AGAP1: variants seen among roughly 807,000 people sequenced by gnomAD.
AGAP1 encodes ArfGAP with GTPase domain, ankyrin repeat and PH domain 1, also known as arf-GAP with GTPase, ANK repeat and PH domain-containing protein 1.
Under a neutral mutation model 105.3 loss-of-function variants are expected in AGAP1, and 29 were observed. The ratio of observed to expected loss-of-function variants is 0.28; its 90% confidence interval spans 0.21 to 0.38. The LOEUF (loss-of-function observed/expected upper bound fraction) is 0.38. Ranked by LOEUF, AGAP1 falls within the 10% of genes least tolerant of loss-of-function variation. AGAP1 has a pLI of 1.00. For missense variants in AGAP1, 998 were observed against 1,165.1 expected (o/e 0.86, Z 2.09); for synonymous variants, 509 against 485.9 (o/e 1.05, Z -0.63).
rs542331535 is a variant in AGAP1, at chr2:235,944,450, G to A, written c.1483+13527G>A. On this transcript the variant is annotated intron_variant, in intron 12 of 17. Coordinates refer to ENST00000304032, the MANE Select transcript of AGAP1 (RefSeq NM_001037131.3). Reference sequence around the variant, plus strand: ...ATAACTGGGTAAGCATACGACTTAAGAATTATTTCCTATGCAAAATAGAAT... The same window carrying A: ...ATAACTGGGTAAGCATACGACTTAAAAATTATTTCCTATGCAAAATAGAAT... 2.0e-5 allele frequency among the ~76,000 whole-genome samples: 3 copies of A among 152,274 alleles called. No homozygotes were observed. In the South Asian group the frequency reaches 6.2e-4, roughly 32 times the overall value.
chr2:236,015,792 T>G (rs1373856829), intron 13 of AGAP1, among the ~76,000 whole-genome samples: 1 of 152,170 alleles, frequency 6.6e-6, no homozygotes, highest in Non-Finnish European at 1.5e-5. Context: ...ATTGACTTAT[T>G]TGGGGATTAT....
At chr2:235,940,520 C>T (rs1292452351) in intron 12 of AGAP1, among the ~76,000 whole-genome samples, 1 of 152,170 alleles carries the variant, frequency 6.6e-6, no homozygotes, top group African/African-American at 2.4e-5. Context: ...ATGAGTCATC[C>T]ACCAGATAGT....
intron 3 of AGAP1, among the ~76,000 whole-genome samples, chr2:235,726,279 A>C (rs1404459448): frequency 1.3e-5 from 2 of 152,176 alleles, no homozygotes; most frequent in South Asian, 2.1e-4. Flanking sequence ...ACAGAGGCTC[A>C]TGTGTGTCCC....
In AGAP1 at chr2:236,105,968, C is replaced by T. The variant is rs944534628; in HGVS notation, c.2115-14224C>T. Among the ~76,000 whole-genome samples, 4 of 152,178 alleles carry T rather than the reference C, an allele frequency of 2.6e-5. No individual in the cohort carries two copies. Among genetic ancestry groups the T allele is most frequent in the African/African-American group, 7.2e-5 (3 of 41,462 alleles). ...TCTACTCTCCTGACCTAATCACCTC[C>T]CAGAGGTCCTGTCACCAAACACCAT... On this transcript the variant is annotated intron_variant, in intron 16 of 17. Coordinates refer to ENST00000304032, the MANE Select transcript of AGAP1 (RefSeq NM_001037131.3). The surrounding 1 kb of genome is among the most constrained non-coding windows in gnomAD (Gnocchi z 4.2).
intron 1 of AGAP1, among the ~76,000 whole-genome samples, chr2:235,533,465 T>C (rs1011091655): frequency 1.3e-5 from 2 of 152,212 alleles, no homozygotes; most frequent in Non-Finnish European, 2.9e-5. Flanking sequence ...TACTGTTGTA[T>C]AGGAAGAAGC....
At position 236,055,664 on chromosome 2, in the gene AGAP1, G is replaced by A. The variant is rs567034020; in HGVS notation, c.2114+6383G>A. 7.2e-5 allele frequency among the ~76,000 whole-genome samples: 11 copies of A among 152,372 alleles called. No individual in the cohort carries two copies. In the South Asian group the frequency reaches 1.9e-3, roughly 26 times the overall value. ...AGCCACGACAGTGGCAGCCTTCTCC[G>A]AGGAGCCGTGGGTTTGCAGGCACAC... On this transcript the variant is annotated intron_variant, in intron 16 of 17. Transcript: ENST00000304032. The surrounding 1 kb of genome is among the most constrained non-coding windows in gnomAD (Gnocchi z 6.2).
At position 235,744,835 on chromosome 2, in the gene AGAP1, C is replaced by T. The variant is rs1952803881; in HGVS notation, c.534C>T (p.Thr178=). The part of the protein sequence containing the change: ...TSEIPLVLVG[T]QDAISSANPR... ...AGATTCCTCTGGTTCTGGTGGGAACCCAGGGTGAGTGATGTTCGTGTGCAG... is the reference window on the plus strand; with the variant it reads ...AGATTCCTCTGGTTCTGGTGGGAACTCAGGGTGAGTGATGTTCGTGTGCAG... The change falls in exon 5 of 18, where the codon ACC becomes ACT. Residue 178 remains threonine, a synonymous_variant. Coordinates refer to ENST00000304032, the MANE Select transcript of AGAP1 (RefSeq NM_001037131.3). The surrounding 1 kb of genome is among the most constrained non-coding windows in gnomAD (Gnocchi z 5.2). 2 of 1,613,830 alleles carry T rather than the reference C, an allele frequency of 1.2e-6. No homozygotes were observed. Among genetic ancestry groups the T allele is most frequent in the Admixed American group, 1.7e-5 (1 of 59,970 alleles).
chr2:235,811,694 G>T (rs1481395362), intron 9 of AGAP1, among the ~76,000 whole-genome samples: 1 of 152,194 alleles, frequency 6.6e-6, no homozygotes, highest in Admixed American at 6.5e-5. Flanking sequence ...CCATGGGGAC[G>T]ACCGCTCCCT....
chr2:235,603,426 T>C (rs993809182), intron 1 of AGAP1, among the ~76,000 whole-genome samples: 1 of 152,218 alleles, frequency 6.6e-6, no homozygotes, highest in Admixed American at 6.5e-5. Context: ...ACTGCGGAAC[T>C]GTGAGCTCCC....
Position 235,763,073 on chromosome 2 carries a change from C to CTGTGTGTGT in AGAP1, c.673+12585_673+12586insTGTGTGTGT, listed in dbSNP as rs1411019322. Among the ~76,000 whole-genome samples, 403 of 148,848 alleles carry CTGTGTGTGT rather than the reference C, an allele frequency of 2.7e-3. 2 individuals carry two copies. Among genetic ancestry groups the CTGTGTGTGT allele is most frequent in the African/African-American group, 9.9e-3 (389 of 39,112 alleles). On this transcript the variant is annotated intron_variant, in intron 6 of 17. Coordinates refer to ENST00000304032, the MANE Select transcript of AGAP1 (RefSeq NM_001037131.3). ...GTGTATGTGTGCGCGCGCGCGCACA[C>CTGTGTGTGT]GTGCACCTGCCGTGTTTGAAAAAAA...
chr2:235,847,748 G>A (rs776387434), intron 9 of AGAP1, among the ~76,000 whole-genome samples: 12 of 152,180 alleles, frequency 7.9e-5, no homozygotes, highest in African/African-American at 1.7e-4. Context: ...CGTACACGAC[G>A]CCTAACGTGT....
chr2:236,111,797 A>G (rs1359674164), intron 16 of AGAP1, among the ~76,000 whole-genome samples: 3 of 151,986 alleles, frequency 2.0e-5, no homozygotes, highest in Non-Finnish European at 2.9e-5. Flanking sequence ...CTCAAAAAAA[A>G]AAAAAAAAAA....
chr2:236,103,919 C>A (rs1051059870), intron 16 of AGAP1, among the ~76,000 whole-genome samples: 9 of 152,366 alleles, frequency 5.9e-5, no homozygotes, highest in African/African-American at 1.9e-4. Context: ...CTGTCCCCAC[C>A]CTGCCCTGTG....
chr2:235,859,268 A>C (rs768474945), intron 9 of AGAP1, among the ~76,000 whole-genome samples: 13 of 151,880 alleles, frequency 8.6e-5, no homozygotes, highest in Non-Finnish European at 1.8e-4. Flanking sequence ...AAGTTGTCAG[A>C]GAAGTTAAAT....
chr2:235,846,946 G>A (rs1304188174), intron 9 of AGAP1, among the ~76,000 whole-genome samples: 1 of 152,214 alleles, frequency 6.6e-6, no homozygotes, highest in Non-Finnish European at 1.5e-5. Flanking sequence ...CAGTTTTGAA[G>A]AGGGCCTGTG....
At chr2:235,704,249 C>G (rs1950410990) in intron 1 of AGAP1, among the ~76,000 whole-genome samples, 1 of 152,200 alleles carries the variant, frequency 6.6e-6, no homozygotes, top group Non-Finnish European at 1.5e-5. Flanking sequence ...TCAGAAATTC[C>G]CGCTCTTGGA....
At chr2:236,098,984 A>T (rs1530934) in intron 16 of AGAP1, among the ~76,000 whole-genome samples, 70,313 of 151,310 alleles carry the variant, frequency 0.46, 17,191 homozygotes, top group East Asian at 0.69. Context: ...TACTTCCTAG[A>T]GATGTAAGGA....
chr2:235,791,336 C>A (rs1391475555), intron 6 of AGAP1, among the ~76,000 whole-genome samples: 1 of 152,138 alleles, frequency 6.6e-6, no homozygotes, highest in African/African-American at 2.4e-5. Flanking sequence ...AAGATTACAG[C>A]CGGTAGTGGC....
At chr2:235,685,451 G>C (rs1013754397) in intron 1 of AGAP1, among the ~76,000 whole-genome samples, 2 of 151,044 alleles carry the variant, frequency 1.3e-5, no homozygotes, top group Admixed American at 6.6e-5. Context: ...TCATCACCTC[G>C]ATATCCTTTT....
Sources: gnomAD v4.1 joint callset for allele counts (sites outside exome capture counted in the v4.1 genomes callset) on GRCh38, gnomAD v4.1.1 for gene constraint, Gnocchi (gnomAD v3.1) non-coding constraint, MANE v1.5 for transcripts, NCBI Gene and HGNC (gene_info 2026-07-23, HGNC 2026-07-21) for gene names.